Variants in CMIP observed in about 807,000 individuals in gnomAD.
The protein encoded by CMIP is c-Maf inducing protein.
In CMIP, 13 loss-of-function variants were observed where a neutral mutation model predicts 97.3. That is an observed-to-expected ratio of 0.13 (90% CI 0.09 to 0.21). The LOEUF (loss-of-function observed/expected upper bound fraction) is 0.21. CMIP is among the 10% of genes least tolerant of loss of function. CMIP has a pLI of 1.00. For synonymous variants in CMIP, 538 were observed against 436.3 expected, an observed-to-expected ratio of 1.23 and a Z score of -2.91; for missense variants, 847 against 1,024.9, an observed-to-expected ratio of 0.83 and a Z score of 2.37.
At chr16:81,448,910 C>T (rs1290828465) in intron 1 of CMIP, among the ~76,000 whole-genome samples, 1 of 152,236 alleles carries the variant, frequency 6.6e-6, no homozygotes, top group East Asian at 1.9e-4. Flanking sequence ...GTTCCTGGGC[C>T]TCACTGGCTC....
chr16:81,533,205 T>C (rs2966108), intron 1 of CMIP, among the ~76,000 whole-genome samples: 2,830 of 152,308 alleles, frequency 0.019, 43 homozygotes, highest in Middle Eastern at 0.078. Flanking sequence ...TATTATTCCA[T>C]CCCACTAGAA....
In CMIP at chr16:81,445,007, G is replaced by A. The variant is rs1905736025; in HGVS notation, c.-235G>A. 7.2e-6 allele frequency among the ~76,000 whole-genome samples: 1 copy of A among 139,414 alleles called. No individual in the cohort carries two copies. The allele number at this position is 139,414 out of a possible 152,430, so 91.5% of individuals were successfully genotyped here. ...GGTCAGCCGCCGCGAGCATGCACCC[G>A]ACGAGCTAGGAGGAAGCCCGGAGCC... On this transcript the variant is annotated 5_prime_UTR_variant, in exon 1 of 21. Coordinates refer to ENST00000537098, the MANE Select transcript of CMIP (RefSeq NM_198390.3).
At chr16:81,488,446 C>T (rs1286557976) in intron 1 of CMIP, among the ~76,000 whole-genome samples, 5 of 152,110 alleles carry the variant, frequency 3.3e-5, no homozygotes, top group Admixed American at 1.3e-4. Flanking sequence ...GAACTGGGCC[C>T]GATGCACGGA....
chr16:81,556,677 C>T (rs977078123), intron 1 of CMIP, among the ~76,000 whole-genome samples: 1 of 152,110 alleles, frequency 6.6e-6, no homozygotes, highest in Non-Finnish European at 1.5e-5. Context: ...CCGACAGTGG[C>T]GATGGTTGCA....
chr16:81,543,816 T>C (rs947594373), intron 1 of CMIP, among the ~76,000 whole-genome samples: 1 of 152,194 alleles, frequency 6.6e-6, no homozygotes, highest in South Asian at 2.1e-4. Flanking sequence ...AGTCATTGTT[T>C]AAAAAATCAA....
At chr16:81,542,090 G>A (rs977301519) in intron 1 of CMIP, among the ~76,000 whole-genome samples, 1 of 152,064 alleles carries the variant, frequency 6.6e-6, no homozygotes. Context: ...GCCCTTTCTC[G>A]CTTTTCACTC....
chr16:81,464,222 G>A (rs1907067186), intron 1 of CMIP: 1 of 152,266 alleles, frequency 6.6e-6, no homozygotes, highest in Admixed American at 6.5e-5. Flanking sequence ...CGTGGGCACA[G>A]TGAGAGGTGG....
chr16:81,473,916 A>G (rs1349978309), intron 1 of CMIP, among the ~76,000 whole-genome samples: 1 of 151,900 alleles, frequency 6.6e-6, no homozygotes, highest in Admixed American at 6.6e-5. Flanking sequence ...AATAATAACA[A>G]CAGAAGCAAA....
chr16:81,678,675 A>T (rs1904548984), intron 10 of CMIP, 47 bp downstream of exon 10: 2 of 898,072 alleles, frequency 2.2e-6, no homozygotes, highest in Non-Finnish European at 3.5e-6. Flanking sequence ...GTGGGAGGAG[A>T]CTGGGCTTTG....
chr16:81,548,395 C>T (rs994422755), intron 1 of CMIP, among the ~76,000 whole-genome samples: 1 of 152,048 alleles, frequency 6.6e-6, no homozygotes, highest in African/African-American at 2.4e-5. Context: ...CACCTGCCTC[C>T]CAAAGTGCTG....
chr16:81,519,200 G>C (rs1343122625), intron 1 of CMIP: 1 of 152,292 alleles, frequency 6.6e-6, no homozygotes, highest in East Asian at 1.9e-4. Flanking sequence ...TCAGGAGGCT[G>C]AGGTGGGAGG....
At chr16:81,473,715 C>T (rs1462998431) in intron 1 of CMIP, among the ~76,000 whole-genome samples, 5 of 151,546 alleles carry the variant, frequency 3.3e-5, no homozygotes, top group South Asian at 2.1e-4. Flanking sequence ...CTTTGGGGGA[C>T]GCGGGGACGC....
At chr16:81,696,382 C>G (rs1291478722) in intron 13 of CMIP, 178 bp from the exon 14 acceptor site, 5 of 663,120 alleles carry the variant, frequency 7.5e-6, no homozygotes, top group African/African-American at 3.6e-5. Context: ...CGGTATTTCC[C>G]GAAAGACCTT....
At chr16:81,492,619 C>T (rs1017361930) in intron 1 of CMIP, among the ~76,000 whole-genome samples, 1 of 151,730 alleles carries the variant, frequency 6.6e-6, no homozygotes, top group Non-Finnish European at 1.5e-5. Context: ...TGCAGGCCCT[C>T]GAGAGGGCCT....
In CMIP at chr16:81,621,825, G is replaced by C. The variant is rs185541674; in HGVS notation, c.477+899G>C. 273 of 152,532 alleles carry C rather than the reference G, an allele frequency of 1.8e-3. No individual in the cohort carries two copies. Among genetic ancestry groups the C allele is most frequent in the African/African-American group, 6.5e-3 (269 of 41,584 alleles). 9.4% of individuals were successfully genotyped at this position (152,532 alleles called of 1,614,324 possible). On this transcript the variant is annotated intron_variant, in intron 3 of 20. Transcript: ENST00000537098. The surrounding 1 kb of genome is among the most constrained non-coding windows in gnomAD (Gnocchi z 4.1). ...AGGATTCCTCTCATGGCTCCAGAGG[G>C]GCTCCCCCAACGGCCAGGGTTGGGG...
intron 1 of CMIP, among the ~76,000 whole-genome samples, chr16:81,585,516 G>T (rs1446470226): frequency 6.6e-6 from 1 of 152,140 alleles, no homozygotes; most frequent in Non-Finnish European, 1.5e-5. Flanking sequence ...TCTGATTTCT[G>T]TCCTGTGGAT....
intron 1 of CMIP, among the ~76,000 whole-genome samples, chr16:81,541,908 T>C (rs1455173337): frequency 6.6e-6 from 1 of 152,220 alleles, no homozygotes; most frequent in Non-Finnish European, 1.5e-5. Flanking sequence ...TACATACTTT[T>C]AGCAAAAACG....
intron 1 of CMIP, among the ~76,000 whole-genome samples, chr16:81,509,989 C>G (rs1173420518): frequency 6.6e-6 from 1 of 152,158 alleles, no homozygotes; most frequent in African/African-American, 2.4e-5. Context: ...CTGAATCAGA[C>G]CTGGCTGGCA....
chr16:81,562,237 C>T (rs1444633555), intron 1 of CMIP, among the ~76,000 whole-genome samples: 1 of 152,206 alleles, frequency 6.6e-6, no homozygotes, highest in Non-Finnish European at 1.5e-5. Context: ...TCCTGGGACC[C>T]TCAGCCCCCA....
Sources: allele counts gnomAD v4.1 joint callset (sites outside exome capture counted in the v4.1 genomes callset), GRCh38; gene constraint gnomAD v4.1.1; non-coding constraint Gnocchi (gnomAD v3.1); transcripts MANE v1.5; gene names NCBI Gene and HGNC (gene_info 2026-07-23, HGNC 2026-07-21).